CFAP58: variants seen among roughly 807,000 people sequenced by gnomAD.
CFAP58 encodes cilia and flagella associated protein 58, also known as cilia- and flagella-associated protein 58.
CFAP58 carries 88 observed loss-of-function variants against 119.5 expected under a neutral mutation model. The ratio of observed to expected loss-of-function variants is 0.74; its 90% CI spans 0.62 to 0.88. The LOEUF (loss-of-function observed/expected upper bound fraction) is 0.88, where lower values mean the gene tolerates loss of function less well. Among genes scored for constraint, CFAP58 ranks in the 40% least tolerant of loss-of-function variants. CFAP58 has a pLI of 0.00. For synonymous variants in CFAP58, 365 were observed against 366.3 expected, an observed-to-expected ratio of 1.00 and a Z score of 0.04; for missense variants, 990 against 1,021.2, an observed-to-expected ratio of 0.97 and a Z score of 0.42.
chr10:104,423,922 G>T (rs1306535113), intron 15 of CFAP58, among the ~76,000 whole-genome samples: 2 of 152,096 alleles, frequency 1.3e-5, no homozygotes, highest in Non-Finnish European at 2.9e-5. Flanking sequence ...AATTGCAGGT[G>T]GAGCAGAAAT....
chr10:104,360,802 AG>A (rs1405531727), intron 2 of CFAP58, among the ~76,000 whole-genome samples: 1 of 152,212 alleles, frequency 6.6e-6, no homozygotes, highest in East Asian at 1.9e-4. Context: ...GTCCTTGCAA[AG>A]GACATGATCT....
intron 15 of CFAP58, among the ~76,000 whole-genome samples, chr10:104,420,071 C>T (rs1390260836): frequency 2.6e-5 from 4 of 151,002 alleles, no homozygotes; most frequent in Non-Finnish European, 5.9e-5. Flanking sequence ...GCAGGATTGT[C>T]TAGGACTCTG....
chr10:104,450,951 A>T (rs779578149), intron 17 of CFAP58, among the ~76,000 whole-genome samples: 1 of 149,188 alleles, frequency 6.7e-6, no homozygotes, highest in Non-Finnish European at 1.5e-5. Context: ...CTAGGAGATG[A>T]TAATGAAGAG....
chr10:104,347,874 T>C, the CFAP58 span, among the ~76,000 whole-genome samples: 5 of 152,056 alleles, frequency 3.3e-5, no homozygotes, highest in Non-Finnish European at 5.9e-5. Flanking sequence ...CCCTCTCCCA[T>C]CTTTCGCTTC....
At chr10:104,353,216 T>C (rs2014486060), upstream of CFAP58, 1 of 152,258 alleles carries the variant, frequency 6.6e-6, no homozygotes, top group South Asian at 2.1e-4. Context: ...GATGTGGCGC[T>C]ACATACGTTT....
rs374234946 is a variant in CFAP58 at position 104,418,936 on chromosome 10, G to A, written c.2256+12143G>A. Among the ~76,000 whole-genome samples the A allele has an allele frequency of 2.0e-5, 3 of 152,176 alleles. No homozygotes were observed. In the East Asian group the frequency reaches 5.8e-4, roughly 29 times the overall value. ...ACCACTGAACAGAAGCCTGTCTGTGGGTTTTTGCTCTGTTCTAAAATCAAG... is the reference window on the plus strand; with the variant it reads ...ACCACTGAACAGAAGCCTGTCTGTGAGTTTTTGCTCTGTTCTAAAATCAAG... On this transcript the variant is annotated intron_variant, in intron 15 of 17. Coordinates refer to ENST00000369704, the MANE Select transcript of CFAP58 (RefSeq NM_001008723.2).
At chr10:104,402,314 G>T (rs1490841996) in intron 13 of CFAP58, among the ~76,000 whole-genome samples, 4 of 152,188 alleles carry the variant, frequency 2.6e-5, no homozygotes, top group African/African-American at 9.6e-5. Context: ...CTAGAAAATT[G>T]AAGTGTTAAA....
chr10:104,345,191 T>C, the CFAP58 span, among the ~76,000 whole-genome samples: 3 of 152,164 alleles, frequency 2.0e-5, no homozygotes, highest in African/African-American at 7.2e-5. Flanking sequence ...ATATAGCAGA[T>C]TTCATTTTAT....
At chr10:104,381,549 C>G (rs2011803733) in intron 9 of CFAP58, among the ~76,000 whole-genome samples, 1 of 152,134 alleles carries the variant, frequency 6.6e-6, no homozygotes, top group African/African-American at 2.4e-5. Context: ...GGTAAGCCCT[C>G]TCTTCCATCT....
chr10:104,453,223 C>T (rs2013222642), intron 17 of CFAP58, among the ~76,000 whole-genome samples: 1 of 152,046 alleles, frequency 6.6e-6, no homozygotes. Flanking sequence ...TGCCAAAGTA[C>T]AAGAAAGAAT....
At chr10:104,441,634 C>T (rs2013038526) in intron 15 of CFAP58, among the ~76,000 whole-genome samples, 1 of 152,150 alleles carries the variant, frequency 6.6e-6, no homozygotes, top group Admixed American at 6.5e-5. Context: ...CAGAAAGCAC[C>T]AGAAGCATTT....
chr10:104,414,437 T>C (rs888467742), intron 15 of CFAP58, among the ~76,000 whole-genome samples: 8 of 152,086 alleles, frequency 5.3e-5, no homozygotes, highest in African/African-American at 1.9e-4. Context: ...TTGATAGATG[T>C]GCAGAGCCCA....
chr10:104,353,603 A>AG (rs201835135), upstream of CFAP58: 2,547 of 446,560 alleles, frequency 5.7e-3, 156 homozygotes, highest in Admixed American at 0.085. Flanking sequence ...CCAGCCTCTC[A>AG]GGGGCACCGC....
rs539772684 is a variant in CFAP58, at chr10:104,454,636, C to A, written c.*106C>A. The A allele has an allele frequency of 9.8e-5, 77 of 789,610 alleles. No individual in the cohort carries two copies. The highest frequency in any genetic ancestry group is 1.6e-4 in the Non-Finnish European group (74 of 463,204). The allele number at this position is 789,610 out of a possible 1,614,324, so 48.9% of individuals were successfully genotyped here. A position where few individuals can be genotyped will look rare whatever the true frequency, so the allele number is the denominator to read the frequency against. ...GATCATAGAACTGAGTGCTGAGAATCCAGGATGGAAAGAAATGCAGAACTA... is the reference window on the plus strand; with the variant it reads ...GATCATAGAACTGAGTGCTGAGAATACAGGATGGAAAGAAATGCAGAACTA... On this transcript the variant is annotated 3_prime_UTR_variant, in exon 18 of 18. Coordinates refer to ENST00000369704, the MANE Select transcript of CFAP58 (RefSeq NM_001008723.2).
At chr10:104,440,068 C>T (rs905780823) in intron 15 of CFAP58, among the ~76,000 whole-genome samples, 2 of 151,992 alleles carry the variant, frequency 1.3e-5, no homozygotes, top group Admixed American at 6.5e-5. Flanking sequence ...GTGATCCACC[C>T]GCCTGGGCCT....
At chr10:104,445,193 C>A (rs905062029) in intron 15 of CFAP58, among the ~76,000 whole-genome samples, 16 of 151,764 alleles carry the variant, frequency 1.1e-4, no homozygotes, top group Admixed American at 9.9e-4. Flanking sequence ...CATGGTGGTG[C>A]ATGCCTATAG....
rs746134881 is a variant in CFAP58, at chr10:104,358,592, T to G, written c.261T>G (p.Asp87Glu). 6.2e-7 allele frequency: 1 copy of G among 1,613,560 alleles called. No individual in the cohort carries two copies. Among genetic ancestry groups the G allele is most frequent in the Non-Finnish European group, 8.5e-7 (1 of 1,179,564 alleles). ...CCACTGCCCTTAAGCTCTCTCAGGA[T>G]GATCAGACCACCATTGCATCCCTAA... ...KVATALKLSQ[D>E]DQTTIASLKK... The change falls in exon 2 of 18, where the codon GAT (aspartate) becomes GAG (glutamate). Residue 87 changes from aspartate to glutamate, a missense_variant. Transcript: ENST00000369704.
the CFAP58 span, among the ~76,000 whole-genome samples, chr10:104,340,761 A>C: frequency 2.6e-5 from 4 of 152,194 alleles, no homozygotes; most frequent in African/African-American, 9.7e-5. Flanking sequence ...ACTAAGGACC[A>C]GGGGTGAGTA....
At chr10:104,382,377 GT>G (rs2011829313) in intron 9 of CFAP58, 1 of 527,870 alleles carries the variant, frequency 1.9e-6, no homozygotes. Flanking sequence ...GCAGCCTCCA[GT>G]TTCTTCTTCC....
Sources: gnomAD v4.1 joint callset for allele counts (sites outside exome capture counted in the v4.1 genomes callset) on GRCh38, gnomAD v4.1.1 for gene constraint, MANE v1.5 for transcripts, NCBI Gene and HGNC (gene_info 2026-07-23, HGNC 2026-07-21) for gene names.